DCP1B: variants seen among roughly 807,000 people sequenced by gnomAD.
The protein encoded by DCP1B is mRNA-decapping enzyme 1B.
Under a neutral mutation model 60.5 loss-of-function variants are expected in DCP1B, and 47 were observed. That is an observed-to-expected ratio of 0.78 (90% CI 0.61 to 0.99). The LOEUF (loss-of-function observed/expected upper bound fraction) is 0.99. Among genes scored for constraint, DCP1B ranks in the 50% least tolerant of loss-of-function variants. The probability of loss-of-function intolerance (pLI) is 0.00; values close to 1 mark genes in which losing one functional copy is unlikely to be tolerated. For missense variants in DCP1B, 725 were observed against 756.8 expected, an observed-to-expected ratio of 0.96 and a Z score of 0.49; for synonymous variants, 267 against 280.3, an observed-to-expected ratio of 0.95 and a Z score of 0.47.
At chr12:1,954,889 G>C (rs544429517) in intron 6 of DCP1B, among the ~76,000 whole-genome samples, 25 of 152,268 alleles carry the variant, frequency 1.6e-4, no homozygotes, top group African/African-American at 6.0e-4. Flanking sequence ...CTGAGACATG[G>C]TCTTGCTTTC....
rs529004968 is a variant in DCP1B at position 2,002,471 on chromosome 12, C to T, written c.150+1811G>A. On this transcript the variant is annotated intron_variant, in intron 1 of 8. Coordinates refer to ENST00000280665, the MANE Select transcript of DCP1B (RefSeq NM_152640.5). ...GTCTGAAGGCAACATATCCAGCAAG[C>T]AGGAAAACATAACTCCTGTAATTAA... 4.6e-5 allele frequency among the ~76,000 whole-genome samples: 7 copies of T among 152,334 alleles called. No individual in the cohort carries two copies. In the East Asian group the frequency reaches 1.3e-3, roughly 29 times the overall value.
At chr12:2,003,282 C>G (rs2042609708) in intron 1 of DCP1B, among the ~76,000 whole-genome samples, 1 of 152,138 alleles carries the variant, frequency 6.6e-6, no homozygotes, top group African/African-American at 2.4e-5. Flanking sequence ...GGATGTTTTC[C>G]TAGATTAAGT....
intron 7 of DCP1B, chr12:1,950,173 A>AT (rs2154456450): frequency 1.7e-6 from 1 of 585,540 alleles, no homozygotes; most frequent in African/African-American, 1.9e-5. Context: ...AGTTGCTGTA[A>AT]TTTTATAATC....
At chr12:1,996,257 T>G (rs1400051258) in intron 2 of DCP1B, among the ~76,000 whole-genome samples, 1 of 152,152 alleles carries the variant, frequency 6.6e-6, no homozygotes, top group Admixed American at 6.5e-5. Flanking sequence ...TCATAAGCCT[T>G]CAATAACTTC....
At chr12:1,981,482 G>C (rs1043874558) in intron 3 of DCP1B, among the ~76,000 whole-genome samples, 3 of 152,160 alleles carry the variant, frequency 2.0e-5, no homozygotes, top group Non-Finnish European at 4.4e-5. Flanking sequence ...AGAGAAGCCA[G>C]GACAAAATAT....
chr12:1,949,783 G>T (rs553661483), intron 7 of DCP1B, among the ~76,000 whole-genome samples: 3 of 152,172 alleles, frequency 2.0e-5, no homozygotes, highest in Non-Finnish European at 4.4e-5. Context: ...CCCCTCCTGC[G>T]GCCTCACTCA....
chr12:2,004,028 G>C lies in DCP1B; in HGVS notation c.150+254C>G, dbSNP rs192545133. On this transcript the variant is annotated intron_variant, in intron 1 of 8. Coordinates refer to ENST00000280665, the MANE Select transcript of DCP1B (RefSeq NM_152640.5). ...GGCTCTTATGGTGCCGTACCCGATC[G>C]GTCTGGTCTCCCAGCGTTGGGTACG... Among the ~76,000 whole-genome samples, 134 of 152,060 alleles carry C rather than the reference G, an allele frequency of 8.8e-4. 4 individuals carry two copies. The East Asian group carries it at 0.023, about 26-fold the overall frequency.
At chr12:1,959,955 G>A (rs748863848) in intron 5 of DCP1B, among the ~76,000 whole-genome samples, 26 of 103,654 alleles carry the variant, frequency 2.5e-4, no homozygotes, top group African/African-American at 7.9e-4. Context: ...GCAAGACTCC[G>A]TCTCAAAAAA....
At chr12:1,956,226 T>C (rs754779488) in intron 5 of DCP1B, among the ~76,000 whole-genome samples, 3 of 152,188 alleles carry the variant, frequency 2.0e-5, no homozygotes, top group South Asian at 2.1e-4. Context: ...TAACCAACCA[T>C]GCAATTGCTA....
chr12:1,964,439 A>T (rs1158287216), intron 5 of DCP1B, among the ~76,000 whole-genome samples: 1 of 151,824 alleles, frequency 6.6e-6, no homozygotes, highest in African/African-American at 2.4e-5. Flanking sequence ...AATGTTTTTT[A>T]TTTTTATGTA....
intron 3 of DCP1B, among the ~76,000 whole-genome samples, chr12:1,983,414 A>G (rs894199450): frequency 1.3e-5 from 2 of 152,016 alleles, no homozygotes; most frequent in Non-Finnish European, 2.9e-5. Context: ...TTTGGTTGCA[A>G]CTGAAATATT....
rs73597521 is a variant in DCP1B, at chr12:1,951,447, T to C, written c.1524+969A>G. Among the ~76,000 whole-genome samples, 306 of 152,130 alleles carry C rather than the reference T, an allele frequency of 2.0e-3. 1 individual carries two copies. The highest frequency in any genetic ancestry group is 6.8e-3 in the Middle Eastern group (2 of 294). Reference sequence around the variant, plus strand: ...TCTCCAGATGTTACCCACAGGCAGATGATCAATAGCTTGTGGTTTCCTCAC... The same window carrying C: ...TCTCCAGATGTTACCCACAGGCAGACGATCAATAGCTTGTGGTTTCCTCAC... On this transcript the variant is annotated intron_variant, in intron 7 of 8. Coordinates refer to ENST00000280665, the MANE Select transcript of DCP1B (RefSeq NM_152640.5).
At chr12:1,982,215 TTG>T (rs1425851745) in intron 3 of DCP1B, among the ~76,000 whole-genome samples, 4 of 152,200 alleles carry the variant, frequency 2.6e-5, no homozygotes, top group African/African-American at 9.6e-5. Context: ...TCCTTTTTTA[TTG>T]TGTTAAAATA....
chr12:1,953,312 C>A (rs920732410), intron 6 of DCP1B, 24 bp from the exon 7 acceptor site: 9 of 1,536,952 alleles, frequency 5.9e-6, no homozygotes, highest in Non-Finnish European at 7.8e-6. Context: ...AGATATCTGA[C>A]ATGAGTCTAC....
At chr12:1,950,710 A>C (rs922252581) in intron 7 of DCP1B, among the ~76,000 whole-genome samples, 2 of 152,172 alleles carry the variant, frequency 1.3e-5, no homozygotes, top group Non-Finnish European at 2.9e-5. Flanking sequence ...GCAGTGGTGC[A>C]AACATGGCTG....
At position 1,948,296 on chromosome 12, in the gene DCP1B, C is replaced by T. The variant is rs1024724587; in HGVS notation, c.1773+790G>A. Among the ~76,000 whole-genome samples, 1 of 152,196 alleles carries T rather than the reference C, an allele frequency of 6.6e-6. No individual in the cohort carries two copies. The highest frequency in any genetic ancestry group is 1.5e-5 in the Non-Finnish European group (1 of 68,036). ...GGTGAACGTGGCCCACGGGAGAGTA[C>T]GTGGGAAGTGGCACTCGGGGGCCAG... On this transcript the variant is annotated intron_variant, in intron 8 of 8. Transcript: ENST00000280665. This position sits in a 1 kb window ranked among gnomAD's most constrained non-coding sequence, Gnocchi z 4.8.
intron 2 of DCP1B, among the ~76,000 whole-genome samples, chr12:1,997,189 T>C (rs1247834561): frequency 2.0e-5 from 3 of 152,170 alleles, no homozygotes; most frequent in Non-Finnish European, 4.4e-5. Flanking sequence ...CTGAAAGACA[T>C]CTTCAATTTT....
intron 3 of DCP1B, among the ~76,000 whole-genome samples, chr12:1,986,062 C>T (rs1053516959): frequency 1.3e-5 from 2 of 152,240 alleles, no homozygotes; most frequent in African/African-American, 4.8e-5. Flanking sequence ...ATCTGCCCGC[C>T]TTGGCCTCCC....
At chr12:1,949,406 A>G (rs2154456408) in intron 7 of DCP1B, 72 bp from the exon 8 acceptor site, 2 of 1,581,866 alleles carry the variant, frequency 1.3e-6, no homozygotes, top group South Asian at 1.1e-5. Flanking sequence ...GCAGCGGCAG[A>G]TACGGGTGGT....
Sources: gnomAD v4.1 joint callset for allele counts (sites outside exome capture counted in the v4.1 genomes callset) on GRCh38, gnomAD v4.1.1 for gene constraint, Gnocchi (gnomAD v3.1) non-coding constraint, MANE v1.5 for transcripts, NCBI Gene and HGNC (gene_info 2026-07-23, HGNC 2026-07-21) for gene names.